EPHA3: variants seen among roughly 807,000 people sequenced by gnomAD.
The protein encoded by EPHA3 is EPH receptor A3.
A neutral mutation model predicts 107.1 loss-of-function variants in EPHA3; 42 were observed. The observed-to-expected ratio is 0.39, with a 90% confidence interval of 0.31 to 0.51. EPHA3 has a LOEUF of 0.51. Among genes scored for constraint, EPHA3 ranks in the 20% least tolerant of loss-of-function variants. EPHA3 has a pLI of 0.78. For synonymous variants in EPHA3, 461 were observed against 424.8 expected (o/e 1.09, Z -1.05); for missense variants, 1,183 against 1,211.2 (o/e 0.98, Z 0.35).
At chr3:89,438,257 C>T (rs906267098) in intron 13 of EPHA3, among the ~76,000 whole-genome samples, 6 of 151,982 alleles carry the variant, frequency 3.9e-5, no homozygotes, top group East Asian at 1.9e-4. Flanking sequence ...CACAGGGGCC[C>T]ATCACTACAC....
rs143647029 is a variant in EPHA3 at position 89,338,739 on chromosome 3, G to A, written c.815-2177G>A. Among the ~76,000 whole-genome samples, 488 of 152,214 alleles carry A rather than the reference G, an allele frequency of 3.2e-3. 1 individual carries two copies. The highest frequency in any genetic ancestry group is 9.5e-3 in the African/African-American group (394 of 41,534). On this transcript the variant is annotated intron_variant, in intron 3 of 16. Coordinates refer to ENST00000336596, the MANE Select transcript of EPHA3 (RefSeq NM_005233.6). ...AATATTTGTATTTTTAGTAGGGACGGGGTTTCACCGTGTTAGCCAAGATGG... is the reference window on the plus strand; with the variant it reads ...AATATTTGTATTTTTAGTAGGGACGAGGTTTCACCGTGTTAGCCAAGATGG...
At chr3:89,374,417 A>G (rs1240998979) in intron 5 of EPHA3, among the ~76,000 whole-genome samples, 1 of 151,578 alleles carries the variant, frequency 6.6e-6, no homozygotes, top group Non-Finnish European at 1.5e-5. Flanking sequence ...TATAACCTCT[A>G]TTTTCCACCA....
intron 2 of EPHA3, among the ~76,000 whole-genome samples, chr3:89,198,463 G>T (rs187660003): frequency 6.7e-6 from 1 of 149,294 alleles, no homozygotes; most frequent in Non-Finnish European, 1.5e-5. Context: ...ATCTCTACAG[G>T]TTAGACCCTT....
At chr3:89,295,872 G>A (rs952965067) in intron 3 of EPHA3, among the ~76,000 whole-genome samples, 4 of 152,144 alleles carry the variant, frequency 2.6e-5, no homozygotes, top group African/African-American at 9.6e-5. Flanking sequence ...TTACAGGCAT[G>A]ACCCACCACA....
intron 15 of EPHA3, among the ~76,000 whole-genome samples, chr3:89,454,005 C>T (rs1710049301): frequency 6.6e-6 from 1 of 152,098 alleles, no homozygotes; most frequent in African/African-American, 2.4e-5. Context: ...ATCATTGCCA[C>T]AAACAGATGT....
At chr3:89,383,018 A>T (rs1708542512) in intron 5 of EPHA3, among the ~76,000 whole-genome samples, 1 of 152,234 alleles carries the variant, frequency 6.6e-6, no homozygotes, top group Non-Finnish European at 1.5e-5. Flanking sequence ...AATATAAACC[A>T]TATGTTTTAC....
At chr3:89,429,208 G>A (rs768777556) in intron 12 of EPHA3, 41 bp downstream of exon 12, 13 of 1,497,594 alleles carry the variant, frequency 8.7e-6, no homozygotes, top group Non-Finnish European at 1.1e-5. Context: ...TGAATAAATT[G>A]CTGAAAACAT....
chr3:89,190,771 C>G (rs561082665), intron 2 of EPHA3, among the ~76,000 whole-genome samples: 1 of 152,308 alleles, frequency 6.6e-6, no homozygotes, highest in African/African-American at 2.4e-5. Context: ...TCAAGCCTCT[C>G]TTTCTGGCTT....
intron 2 of EPHA3, among the ~76,000 whole-genome samples, chr3:89,135,152 G>A (rs1704285138): frequency 3.9e-5 from 6 of 152,144 alleles, no homozygotes; most frequent in Middle Eastern, 3.4e-3. Flanking sequence ...TCAGATTTCA[G>A]GTCAAATGTT....
At chr3:89,285,033 G>A (rs1240798900) in intron 3 of EPHA3, among the ~76,000 whole-genome samples, 4 of 152,026 alleles carry the variant, frequency 2.6e-5, no homozygotes, top group Admixed American at 1.3e-4. Flanking sequence ...GCTGAGGCAC[G>A]GGAATCACTA....
intron 10 of EPHA3, 108 bp downstream of exon 10, chr3:89,413,374 T>G: frequency 7.2e-7 from 1 of 1,394,442 alleles, no homozygotes; most frequent in Non-Finnish European, 1.0e-6. Context: ...TCTGATTTCA[T>G]GATCAAAGGC....
At chr3:89,447,892 T>C (rs1709907820) in intron 13 of EPHA3, among the ~76,000 whole-genome samples, 1 of 152,172 alleles carries the variant, frequency 6.6e-6, no homozygotes, top group African/African-American at 2.4e-5. Flanking sequence ...TATTGCCCCC[T>C]TGAGCATCAC....
intron 15 of EPHA3, among the ~76,000 whole-genome samples, chr3:89,471,019 T>C (rs1292574937): frequency 6.6e-6 from 1 of 152,216 alleles, no homozygotes; most frequent in African/African-American, 2.4e-5. Context: ...TCTGTCATTG[T>C]TATTATTCAT....
intron 3 of EPHA3, among the ~76,000 whole-genome samples, chr3:89,295,750 C>G (rs1706337641): frequency 6.6e-6 from 1 of 151,996 alleles, no homozygotes; most frequent in Non-Finnish European, 1.5e-5. Context: ...ACCACCACAC[C>G]CGGCTAATTT....
At chr3:89,368,566 G>T (rs994869994) in intron 5 of EPHA3, among the ~76,000 whole-genome samples, 19 of 150,440 alleles carry the variant, frequency 1.3e-4, no homozygotes, top group African/African-American at 4.6e-4. Flanking sequence ...GAAAACTGGA[G>T]GGTCTGATAT....
chr3:89,310,177 G>C (rs1308684360), intron 3 of EPHA3, among the ~76,000 whole-genome samples: 1 of 151,982 alleles, frequency 6.6e-6, no homozygotes, highest in Admixed American at 6.6e-5. Flanking sequence ...GTTCAGGCCA[G>C]GGTTCTTTAT....
intron 3 of EPHA3, among the ~76,000 whole-genome samples, chr3:89,339,862 T>A (rs1707477935): frequency 6.6e-6 from 1 of 152,204 alleles, no homozygotes; most frequent in African/African-American, 2.4e-5. Flanking sequence ...AATGTGGCAC[T>A]GAAATTGAGC....
intron 11 of EPHA3, among the ~76,000 whole-genome samples, chr3:89,426,819 G>T (rs1576372090): frequency 6.6e-6 from 1 of 151,948 alleles, no homozygotes; most frequent in East Asian, 1.9e-4. Flanking sequence ...CTGTATGAAG[G>T]AGGAAAGACA....
chr3:89,300,001 G>T (rs988681320), intron 3 of EPHA3, among the ~76,000 whole-genome samples: 2 of 151,824 alleles, frequency 1.3e-5, no homozygotes, highest in African/African-American at 4.8e-5. Flanking sequence ...TATTTATCAT[G>T]ATTTGGCCAC....
Sources: allele counts gnomAD v4.1 joint callset (sites outside exome capture counted in the v4.1 genomes callset), GRCh38; gene constraint gnomAD v4.1.1; transcripts MANE v1.5; gene names NCBI Gene and HGNC (gene_info 2026-07-23, HGNC 2026-07-21).